The following BBS9 variants were observed in gnomAD, a reference collection of about 807,000 sequenced individuals.
The protein encoded by BBS9 is protein PTHB1.
BBS9 carries 89 observed loss-of-function variants against 117.7 expected under a neutral mutation model. That is an observed-to-expected ratio of 0.76 (90% CI 0.64 to 0.90). The LOEUF (loss-of-function observed/expected upper bound fraction) is 0.90, where lower values mean the gene tolerates loss of function less well. Ranked by LOEUF, BBS9 falls within the 40% of genes least tolerant of loss-of-function variation. The probability of loss-of-function intolerance (pLI) is 0.00; values close to 1 mark genes in which losing one functional copy is unlikely to be tolerated. For synonymous variants in BBS9, 379 were observed against 370.9 expected, an observed-to-expected ratio of 1.02 and a Z score of -0.25; for missense variants, 982 against 1,042.2, an observed-to-expected ratio of 0.94 and a Z score of 0.80.
intron 21 of BBS9, 99 bp downstream of exon 21, chr7:33,534,275 G>A (rs1169055060): frequency 6.2e-6 from 8 of 1,281,944 alleles, no homozygotes; most frequent in Non-Finnish European, 7.7e-6. Context: ...TCATATTAAA[G>A]TGATGATAGC....
At chr7:33,163,944 T>C (rs530214281) in intron 4 of BBS9, among the ~76,000 whole-genome samples, 1 of 152,336 alleles carries the variant, frequency 6.6e-6, no homozygotes, top group Non-Finnish European at 1.5e-5. Context: ...TTTAGATCTT[T>C]CCTGCTTTCT....
Position 33,337,822 on chromosome 7 carries a change from G to A in BBS9, c.1198+1200G>A, listed in dbSNP as rs140712735. 2.1e-3 allele frequency among the ~76,000 whole-genome samples: 319 copies of A among 152,162 alleles called. 1 individual carries two copies. The highest frequency in any genetic ancestry group is 7.3e-3 in the African/African-American group (303 of 41,552). On this transcript the variant is annotated intron_variant, in intron 10 of 22. Transcript: ENST00000242067. Reference sequence around the variant, plus strand: ...CATTTAAAAATATAATTGGGGAAGGGTGGCATAGGCATGAAACATGAAATT... The same window carrying A: ...CATTTAAAAATATAATTGGGGAAGGATGGCATAGGCATGAAACATGAAATT...
At chr7:33,378,952 G>C (rs989098078) in intron 17 of BBS9, among the ~76,000 whole-genome samples, 1 of 152,152 alleles carries the variant, frequency 6.6e-6, no homozygotes, top group African/African-American at 2.4e-5. Flanking sequence ...GATAAATTCT[G>C]ATCAATTTTC....
chr7:33,202,828 A>G (rs1786133332), intron 5 of BBS9, among the ~76,000 whole-genome samples: 2 of 152,214 alleles, frequency 1.3e-5, no homozygotes, highest in African/African-American at 4.8e-5. Flanking sequence ...AGTCCAAACC[A>G]TATCAACATG....
intron 21 of BBS9, among the ~76,000 whole-genome samples, chr7:33,573,886 C>T (rs992720157): frequency 6.6e-6 from 1 of 152,104 alleles, no homozygotes; most frequent in Non-Finnish European, 1.5e-5. Context: ...GTTCCCATTT[C>T]ACATGTACAA....
At chr7:33,367,888 T>G (rs748187199) in intron 17 of BBS9, 26 bp downstream of exon 17, 1 of 1,583,508 alleles carries the variant, frequency 6.3e-7, no homozygotes, top group Non-Finnish European at 8.7e-7. Flanking sequence ...TTATCATTGC[T>G]TTTTAAATTT....
intron 21 of BBS9, among the ~76,000 whole-genome samples, chr7:33,550,127 G>A (rs558196228): frequency 1.2e-4 from 19 of 152,094 alleles, no homozygotes; most frequent in Non-Finnish European, 2.5e-4. Context: ...GGTTTTCTGA[G>A]TCACCTAAAA....
chr7:33,319,056 G>T (rs1811140369), intron 9 of BBS9, among the ~76,000 whole-genome samples: 1 of 151,972 alleles, frequency 6.6e-6, no homozygotes, highest in African/African-American at 2.4e-5. Context: ...CCAGCTACTT[G>T]GGAGGCTGAG....
At chr7:33,495,816 T>C (rs1844628687) in intron 19 of BBS9, among the ~76,000 whole-genome samples, 1 of 152,176 alleles carries the variant, frequency 6.6e-6, no homozygotes, top group South Asian at 2.1e-4. Context: ...TTAAGTTACA[T>C]GTCTATATGG....
chr7:33,246,317 A>G (rs557277934), intron 5 of BBS9, among the ~76,000 whole-genome samples: 7 of 150,832 alleles, frequency 4.6e-5, no homozygotes, highest in South Asian at 2.1e-4. Context: ...TTTCCACAAC[A>G]TTAATTAATT....
chr7:33,360,040 A>G (rs1820335265), intron 16 of BBS9, among the ~76,000 whole-genome samples: 1 of 152,142 alleles, frequency 6.6e-6, no homozygotes, highest in Non-Finnish European at 1.5e-5. Flanking sequence ...GTTTTGAGAC[A>G]TCTTTTTACA....
chr7:33,222,058 T>C lies in BBS9; in HGVS notation c.443-35178T>C, dbSNP rs114177244. ...AAATTAAAGGAAGCCAGTGTATAAT[T>C]AGCAATAGCAGATACAATGATGTGT... On this transcript the variant is annotated intron_variant, in intron 5 of 22. Coordinates refer to ENST00000242067, the MANE Select transcript of BBS9 (RefSeq NM_198428.3). 4.8e-3 allele frequency among the ~76,000 whole-genome samples: 728 copies of C among 152,296 alleles called. 3 individuals carry two copies. Among genetic ancestry groups the C allele is most frequent in the African/African-American group, 0.017 (694 of 41,566 alleles).
At chr7:33,343,945 C>T (rs1262215986) in intron 11 of BBS9, among the ~76,000 whole-genome samples, 1 of 151,992 alleles carries the variant, frequency 6.6e-6, no homozygotes, top group East Asian at 1.9e-4. Context: ...TTTTCTGGGA[C>T]ATACAGGGAG....
At chr7:33,143,008 C>T (rs935261005) in intron 1 of BBS9, among the ~76,000 whole-genome samples, 12 of 151,520 alleles carry the variant, frequency 7.9e-5, no homozygotes, top group South Asian at 2.1e-4. Context: ...CTCGCTCTGT[C>T]GCCCAGGCAG....
chr7:33,299,349 A>G (rs955229296), intron 9 of BBS9, among the ~76,000 whole-genome samples: 2 of 151,914 alleles, frequency 1.3e-5, no homozygotes, highest in African/African-American at 4.8e-5. Flanking sequence ...ATTCTTTTTT[A>G]GGGAGTTCAG....
intron 5 of BBS9, among the ~76,000 whole-genome samples, chr7:33,215,562 G>T (rs1253077725): frequency 6.6e-6 from 1 of 152,044 alleles, no homozygotes; most frequent in Non-Finnish European, 1.5e-5. Flanking sequence ...ACTACTAAAA[G>T]AAAACACTGG....
chr7:33,321,859 T>C (rs1811784774), intron 9 of BBS9, among the ~76,000 whole-genome samples: 1 of 152,136 alleles, frequency 6.6e-6, no homozygotes, highest in Non-Finnish European at 1.5e-5. Context: ...GGGTCTGTCT[T>C]ACATGGCTTT....
intron 17 of BBS9, among the ~76,000 whole-genome samples, chr7:33,375,669 G>C: frequency 6.8e-6 from 1 of 146,574 alleles, no homozygotes; most frequent in South Asian, 2.2e-4. Context: ...TTGGCTTAGT[G>C]CACCCTCTGC....
At chr7:33,327,316 A>G (rs1349834257) in intron 9 of BBS9, among the ~76,000 whole-genome samples, 1 of 152,150 alleles carries the variant, frequency 6.6e-6, no homozygotes, top group Non-Finnish European at 1.5e-5. Flanking sequence ...TAACATGAAT[A>G]TTTTTACTGC....
Sources: gnomAD v4.1 joint callset for allele counts (sites outside exome capture counted in the v4.1 genomes callset) on GRCh38, gnomAD v4.1.1 for gene constraint, MANE v1.5 for transcripts, NCBI Gene and HGNC (gene_info 2026-07-23, HGNC 2026-07-21) for gene names.